Variants in WWOX observed in about 807,000 individuals in gnomAD.
WWOX encodes the protein WW domain-containing oxidoreductase.
Under a neutral mutation model 46.2 loss-of-function variants are expected in WWOX, and 69 were observed. That is an observed-to-expected ratio of 1.49 (90% CI 1.23 to 1.82). WWOX has a LOEUF of 1.82. WWOX is among the 40% of genes most tolerant of loss of function. The pLI, the probability that WWOX is intolerant of heterozygous loss-of-function variation, is 0.00. For synonymous variants in WWOX, 359 were observed against 202.6 expected, an observed-to-expected ratio of 1.77 and a Z score of -6.56; for missense variants, 919 against 542.6, an observed-to-expected ratio of 1.69 and a Z score of -6.89.
chr16:78,795,462 C>A (rs1014738447), intron 8 of WWOX, among the ~76,000 whole-genome samples: 3 of 151,566 alleles, frequency 2.0e-5, no homozygotes, highest in African/African-American at 7.3e-5. Context: ...TTGTCTTCAA[C>A]CTCCATCTAG....
chr16:78,323,401 G>T (rs1029909019), intron 5 of WWOX, among the ~76,000 whole-genome samples: 5 of 152,172 alleles, frequency 3.3e-5, no homozygotes, highest in African/African-American at 1.2e-4. Flanking sequence ...CACTGCGCCC[G>T]GCCGGGGATC....
chr16:79,117,938 A>G (rs571925250), intron 8 of WWOX, among the ~76,000 whole-genome samples: 4 of 152,228 alleles, frequency 2.6e-5, no homozygotes, highest in African/African-American at 9.6e-5. Context: ...CCACTCAAAC[A>G]TTCTTCATAT....
At chr16:79,166,803 G>C (rs1344035836) in intron 8 of WWOX, among the ~76,000 whole-genome samples, 2 of 152,122 alleles carry the variant, frequency 1.3e-5, no homozygotes, top group Admixed American at 6.5e-5. Flanking sequence ...CTTGTTAATA[G>C]TAGGCCCTGA....
intron 8 of WWOX, among the ~76,000 whole-genome samples, chr16:78,741,369 G>A (rs1298147113): frequency 2.0e-5 from 3 of 150,988 alleles, no homozygotes; most frequent in African/African-American, 4.9e-5. Flanking sequence ...GAGATCAGCC[G>A]GGCCAACCTG....
chr16:78,736,030 G>C (rs1478744814), intron 8 of WWOX, among the ~76,000 whole-genome samples: 2 of 152,224 alleles, frequency 1.3e-5, no homozygotes, highest in Admixed American at 1.3e-4. Context: ...GTTTTGTTGA[G>C]TGGTGCAGAC....
chr16:78,161,597 C>T (rs1311688277), intron 4 of WWOX, among the ~76,000 whole-genome samples: 1 of 152,048 alleles, frequency 6.6e-6, no homozygotes, highest in Non-Finnish European at 1.5e-5. Context: ...CCGGTACCTG[C>T]CACCACACCT....
At chr16:78,941,319 C>T (rs919887102) in intron 8 of WWOX, among the ~76,000 whole-genome samples, 7 of 152,118 alleles carry the variant, frequency 4.6e-5, no homozygotes, top group Non-Finnish European at 7.4e-5. Flanking sequence ...AGGGATGTCG[C>T]GCATGTTGAT....
chr16:79,036,880 G>C (rs1156589629), intron 8 of WWOX, among the ~76,000 whole-genome samples: 1 of 152,226 alleles, frequency 6.6e-6, no homozygotes, highest in African/African-American at 2.4e-5. Flanking sequence ...TTCAGTGGAA[G>C]TGCCAAAGGG....
chr16:78,927,400 T>G (rs997637407), intron 8 of WWOX, among the ~76,000 whole-genome samples: 2 of 152,216 alleles, frequency 1.3e-5, no homozygotes, highest in African/African-American at 4.8e-5. Flanking sequence ...ATAACTGTTC[T>G]TATGTCTGTT....
At chr16:78,631,768 T>A (rs902639128) in intron 8 of WWOX, among the ~76,000 whole-genome samples, 3 of 152,168 alleles carry the variant, frequency 2.0e-5, no homozygotes, top group African/African-American at 7.2e-5. Context: ...TCAAGCAATC[T>A]GCTCACCTGG....
intron 8 of WWOX, among the ~76,000 whole-genome samples, chr16:78,867,203 C>A (rs1033195609): frequency 6.6e-6 from 1 of 152,110 alleles, no homozygotes; most frequent in African/African-American, 2.4e-5. Flanking sequence ...TCATGGCACA[C>A]TGGTGAGTGG....
chr16:78,375,060 A>C (rs2081787506), intron 5 of WWOX, among the ~76,000 whole-genome samples: 1 of 152,178 alleles, frequency 6.6e-6, no homozygotes. Flanking sequence ...TTAAGCAGGA[A>C]ACCTTATTTT....
chr16:78,275,742 T>A (rs1426866389), intron 5 of WWOX, among the ~76,000 whole-genome samples: 1 of 152,230 alleles, frequency 6.6e-6, no homozygotes. Flanking sequence ...TTTTTAAATC[T>A]TCCTTTTGGT....
intron 5 of WWOX, among the ~76,000 whole-genome samples, chr16:78,175,130 A>T (rs367745086): frequency 4.7e-4 from 72 of 152,194 alleles, no homozygotes; most frequent in African/African-American, 1.6e-3. Flanking sequence ...TCATGTCTTC[A>T]GTGTCAGTGC....
At chr16:78,508,310 CTTTTTTTTT>C (rs60281450) in intron 8 of WWOX, among the ~76,000 whole-genome samples, 22 of 112,768 alleles carry the variant, frequency 2.0e-4, no homozygotes, top group Middle Eastern at 5.1e-3. Context: ...TGCGCCCGGC[CTTTTTTTTT>C]TTTTTTTTTT....
At chr16:78,599,787 T>A (rs2045577660) in intron 8 of WWOX, among the ~76,000 whole-genome samples, 1 of 152,020 alleles carries the variant, frequency 6.6e-6, no homozygotes, top group Non-Finnish European at 1.5e-5. Context: ...AGAGTCTCAG[T>A]CTCTGCACTC....
Position 78,601,712 on chromosome 16 carries a change from A to T in WWOX, c.1056+168960A>T, listed in dbSNP as rs373970300. Among the ~76,000 whole-genome samples the T allele has an allele frequency of 1.3e-5, 2 of 152,348 alleles. 1 individual carries two copies. The highest frequency in any genetic ancestry group is 3.9e-4 in the East Asian group (2 of 5,192). ...AGAGTGGAATATTCATAATCAGCAG[A>T]AGTCTTTTCTCTGGAAGGAACAAAG... On this transcript the variant is annotated intron_variant, in intron 8 of 8. Transcript: ENST00000566780.
intron 8 of WWOX, among the ~76,000 whole-genome samples, chr16:78,595,543 A>G (rs937106824): frequency 3.3e-5 from 5 of 152,024 alleles, no homozygotes; most frequent in African/African-American, 9.7e-5. Context: ...GAGGTCCTCA[A>G]TCTCTCCCTC....
rs149482399 is a variant in WWOX at position 78,231,063 on chromosome 16, C to T, written c.516+66774C>T. Among the ~76,000 whole-genome samples the T allele has an allele frequency of 1.8e-3, 267 of 152,328 alleles. 4 individuals are homozygous for T. Among genetic ancestry groups the T allele is most frequent in the African/African-American group, 5.9e-3 (245 of 41,580 alleles). ...TGCCAAGAGAGCAGGAAGACTGGGA[C>T]GTGAACTGACAACATTTATGATTCT... On this transcript the variant is annotated intron_variant, in intron 5 of 8. Coordinates refer to ENST00000566780, the MANE Select transcript of WWOX (RefSeq NM_016373.4).
Sources: allele counts gnomAD v4.1 joint callset (sites outside exome capture counted in the v4.1 genomes callset), GRCh38; gene constraint gnomAD v4.1.1; transcripts MANE v1.5; gene names NCBI Gene and HGNC (gene_info 2026-07-23, HGNC 2026-07-21).